The following NBEA variants were observed in gnomAD, a reference collection of about 807,000 sequenced individuals.
NBEA encodes lysosomal-trafficking regulator 2.
A neutral mutation model predicts 343.4 loss-of-function variants in NBEA; 44 were observed. That is an observed-to-expected ratio of 0.13 (90% CI 0.10 to 0.16). The LOEUF (loss-of-function observed/expected upper bound fraction) is 0.16, where lower values mean the gene tolerates loss of function less well. Among genes scored for constraint, NBEA ranks in the 10% least tolerant of loss-of-function variants. The pLI is 1.00. For missense variants in NBEA, 2,555 were observed against 3,631.3 expected (o/e 0.70, Z 7.62); for synonymous variants, 1,175 against 1,238.7 (o/e 0.95, Z 1.08).
chr13:35,668,950 T>C (rs1380039938), intron 58 of NBEA, among the ~76,000 whole-genome samples: 1 of 152,258 alleles, frequency 6.6e-6, no homozygotes, highest in Non-Finnish European at 1.5e-5. Context: ...GGGCCGTAGC[T>C]GGCCCCCCTT....
rs574161670 is a variant in NBEA, at chr13:35,053,403, A to T, written c.973-2607A>T. On this transcript the variant is annotated intron_variant, in intron 6 of 58. Transcript: ENST00000379939. ...ACTGTCTACTGAACAGTTCCTTTTC[A>T]TCCTTCAAGCTTAGTCTTACAGTTC... Among the ~76,000 whole-genome samples, 5 of 152,014 alleles carry T rather than the reference A, an allele frequency of 3.3e-5. 1 individual carries two copies. In the South Asian group the frequency reaches 1.0e-3, roughly 32 times the overall value.
At chr13:35,198,347 G>A (rs1311590690) in intron 31 of NBEA, among the ~76,000 whole-genome samples, 2 of 152,006 alleles carry the variant, frequency 1.3e-5, no homozygotes, top group Admixed American at 1.3e-4. Flanking sequence ...ATCTTTAAAT[G>A]TTGGTAAAAT....
chr13:35,147,736 CA>C (rs1344603261), intron 18 of NBEA, among the ~76,000 whole-genome samples: 1 of 152,052 alleles, frequency 6.6e-6, no homozygotes, highest in Non-Finnish European at 1.5e-5. Flanking sequence ...TGATATTTTC[CA>C]AAAGGGGATC....
intron 38 of NBEA, among the ~76,000 whole-genome samples, chr13:35,409,075 G>T (rs1594522809): frequency 6.6e-6 from 1 of 152,096 alleles, no homozygotes; most frequent in South Asian, 2.1e-4. Flanking sequence ...TTCACAATAG[G>T]AAAGATACGG....
At chr13:35,216,678 A>G (rs866780747) in intron 33 of NBEA, among the ~76,000 whole-genome samples, 10 of 151,922 alleles carry the variant, frequency 6.6e-5, no homozygotes, top group African/African-American at 1.2e-4. Context: ...TTTGACATTT[A>G]TCTTCCTTCA....
intron 41 of NBEA, among the ~76,000 whole-genome samples, chr13:35,512,860 G>T (rs1393976293): frequency 6.6e-6 from 1 of 152,140 alleles, no homozygotes; most frequent in African/African-American, 2.4e-5. Context: ...CACAAAAACT[G>T]TGGCTGAGCC....
intron 48 of NBEA, among the ~76,000 whole-genome samples, chr13:35,613,643 G>T (rs957125482): frequency 6.6e-6 from 1 of 151,894 alleles, no homozygotes; most frequent in African/African-American, 2.4e-5. Flanking sequence ...TTTGTTTTGA[G>T]ACAGTGTCTC....
intron 40 of NBEA, among the ~76,000 whole-genome samples, chr13:35,459,709 A>G (rs1427479548): frequency 6.6e-6 from 1 of 152,208 alleles, no homozygotes; most frequent in East Asian, 1.9e-4. Context: ...TTTTCTACAA[A>G]CTGAGCTAGA....
intron 41 of NBEA, among the ~76,000 whole-genome samples, chr13:35,484,265 TG>T (rs1566204293): frequency 2.9e-5 from 4 of 137,408 alleles, no homozygotes; most frequent in Admixed American, 7.8e-5. Flanking sequence ...TGTGTGTGTG[TG>T]TGTGTGTGTA....
intron 34 of NBEA, among the ~76,000 whole-genome samples, chr13:35,244,430 T>G (rs1370396264): frequency 6.6e-6 from 1 of 151,980 alleles, no homozygotes; most frequent in East Asian, 1.9e-4. Flanking sequence ...CTGTAAGTAT[T>G]TGGCTTCCTT....
At chr13:35,317,106 T>C (rs573640841) in intron 36 of NBEA, among the ~76,000 whole-genome samples, 1 of 152,338 alleles carries the variant, frequency 6.6e-6, no homozygotes, top group South Asian at 2.1e-4. Flanking sequence ...CAGAAGCTCA[T>C]TAGTTTCCTT....
Position 35,155,697 on chromosome 13 carries a change from G to A in NBEA, c.2446-77G>A, listed in dbSNP as rs932874787. ...GGACTGCATTGACATTTCTTTTGCAGGTTCATTGTATATCTATATTTTGCA... is the reference window on the plus strand; with the variant it reads ...GGACTGCATTGACATTTCTTTTGCAAGTTCATTGTATATCTATATTTTGCA... On this transcript the variant is annotated intron_variant, in intron 18 of 58. Transcript: ENST00000379939. The A allele has an allele frequency of 1.9e-5, 21 of 1,111,396 alleles. No individual in the cohort carries two copies. The African/African-American group carries it at 2.8e-4, about 15-fold the overall frequency. 68.8% of individuals were successfully genotyped at this position (1,111,396 alleles called of 1,614,324 possible). A position where few individuals can be genotyped will look rare whatever the true frequency, so the allele number is the denominator to read the frequency against.
intron 38 of NBEA, among the ~76,000 whole-genome samples, chr13:35,353,057 G>C (rs2040277415): frequency 6.6e-6 from 1 of 152,104 alleles, no homozygotes; most frequent in African/African-American, 2.4e-5. Flanking sequence ...TATTAAGTCT[G>C]TGTTTGGCAG....
At chr13:35,027,192 A>G (rs1327637170) in intron 1 of NBEA, among the ~76,000 whole-genome samples, 1 of 152,106 alleles carries the variant, frequency 6.6e-6, no homozygotes, top group Non-Finnish European at 1.5e-5. Flanking sequence ...GCTATTACAA[A>G]TAAAGCTGCT....
At chr13:35,081,276 C>A (rs2064379921) in intron 10 of NBEA, among the ~76,000 whole-genome samples, 1 of 152,014 alleles carries the variant, frequency 6.6e-6, no homozygotes, top group Admixed American at 6.6e-5. Context: ...TTTTTGAATT[C>A]TATCTTGGCA....
chr13:34,980,796 A>G (rs753958226), intron 1 of NBEA, among the ~76,000 whole-genome samples: 1 of 152,066 alleles, frequency 6.6e-6, no homozygotes, highest in Non-Finnish European at 1.5e-5. Context: ...TCCTCTTCCT[A>G]GTTTGCTAAG....
At chr13:35,629,041 G>A (rs148617601) in intron 49 of NBEA, among the ~76,000 whole-genome samples, 1 of 152,278 alleles carries the variant, frequency 6.6e-6, no homozygotes, top group Non-Finnish European at 1.5e-5. Context: ...AATCTGAAAT[G>A]TTTATAGCTA....
intron 47 of NBEA, 69 bp from the exon 48 acceptor site, chr13:35,606,357 T>G (rs2153051762): frequency 2.4e-6 from 2 of 832,040 alleles, no homozygotes; most frequent in East Asian, 6.4e-5. Context: ...TAATAAGTTA[T>G]AAGTTAATAG....
intron 38 of NBEA, among the ~76,000 whole-genome samples, chr13:35,374,966 G>A (rs1416195): frequency 0.29 from 44,288 of 151,938 alleles, 8,297 homozygotes; most frequent in African/African-American, 0.54. Flanking sequence ...CTGTGTCAGA[G>A]CATTGTTCAT....
Sources: gnomAD v4.1 joint callset for allele counts (sites outside exome capture counted in the v4.1 genomes callset) on GRCh38, gnomAD v4.1.1 for gene constraint, MANE v1.5 for transcripts, NCBI Gene and HGNC (gene_info 2026-07-23, HGNC 2026-07-21) for gene names.